RAMP1: variants seen among roughly 807,000 people sequenced by gnomAD.
The protein encoded by RAMP1 is receptor activity-modifying protein 1.
Under a neutral mutation model 8.2 loss-of-function variants are expected in RAMP1, and 7 were observed. The observed-to-expected ratio is 0.85, with a 90% CI of 0.49 to 1.60. The LOEUF (loss-of-function observed/expected upper bound fraction) is 1.60, where lower values mean the gene tolerates loss of function less well. RAMP1 is among the 40% of genes most tolerant of loss of function. The pLI, the probability that RAMP1 is intolerant of heterozygous loss-of-function variation, is 0.00. For missense variants in RAMP1, 192 were observed against 202.4 expected (o/e 0.95, Z 0.31); for synonymous variants, 92 against 84.7 (o/e 1.09, Z -0.47).
intron 2 of RAMP1, among the ~76,000 whole-genome samples, chr2:237,910,628 C>A (rs1271013631): frequency 6.6e-6 from 1 of 151,518 alleles, no homozygotes; most frequent in African/African-American, 2.4e-5. Flanking sequence ...GAATAACAGT[C>A]ACACAGAATA....
intron 2 of RAMP1, among the ~76,000 whole-genome samples, chr2:237,891,303 A>G (rs984630378): frequency 5.3e-5 from 8 of 152,038 alleles, no homozygotes; most frequent in Non-Finnish European, 1.5e-5. Context: ...GGCGCCCGCC[A>G]CCACGCCCGG....
At chr2:237,879,184 T>C (rs901439061) in intron 2 of RAMP1, among the ~76,000 whole-genome samples, 2 of 152,158 alleles carry the variant, frequency 1.3e-5, no homozygotes, top group Admixed American at 6.5e-5. Context: ...GAAGACACAA[T>C]GGGGGGCCCC....
At chr2:237,888,830 G>A (rs1015690247) in intron 2 of RAMP1, among the ~76,000 whole-genome samples, 5 of 151,978 alleles carry the variant, frequency 3.3e-5, no homozygotes, top group African/African-American at 4.8e-5. Context: ...GGAGTGCAGC[G>A]GCACAATCTT....
At chr2:237,888,062 G>A (rs534671609) in intron 2 of RAMP1, among the ~76,000 whole-genome samples, 1 of 151,460 alleles carries the variant, frequency 6.6e-6, no homozygotes, top group Non-Finnish European at 1.5e-5. Flanking sequence ...GTTCTGGGGG[G>A]TTTTTTTTTG....
Position 237,877,422 on chromosome 2 carries a change from A to G in RAMP1, c.191+60A>G. ...TTGGGGAGGGAGAGGGGGCAAGCGG[A>G]GGAGGAGTGGACCACGTGGGAGCTG... On this transcript the variant is annotated intron_variant, in intron 2 of 2. Coordinates refer to ENST00000254661, the MANE Select transcript of RAMP1 (RefSeq NM_005855.4). This position sits in a 1 kb window ranked among gnomAD's most constrained non-coding sequence, Gnocchi z 4.4. 6.4e-7 allele frequency: 1 copy of G among 1,570,522 alleles called. No individual in the cohort carries two copies. Among genetic ancestry groups the G allele is most frequent in the Non-Finnish European group, 8.6e-7 (1 of 1,158,638 alleles).
intron 2 of RAMP1, among the ~76,000 whole-genome samples, chr2:237,885,735 G>A (rs1218268175): frequency 6.6e-6 from 1 of 152,210 alleles, no homozygotes; most frequent in East Asian, 1.9e-4. Flanking sequence ...CTCTCTGTGT[G>A]TCTGCACCAG....
intron 1 of RAMP1, among the ~76,000 whole-genome samples, chr2:237,860,898 A>G (rs1455397317): frequency 6.8e-6 from 1 of 146,384 alleles, no homozygotes; most frequent in African/African-American, 2.8e-5. Context: ...AGATCTGCAT[A>G]GAATCCTCAG....
At chr2:237,885,709 C>T (rs1404459320) in intron 2 of RAMP1, among the ~76,000 whole-genome samples, 1 of 152,222 alleles carries the variant, frequency 6.6e-6, no homozygotes, top group Admixed American at 6.5e-5. Context: ...GCCACACCAT[C>T]GCTCCTGCCG....
chr2:237,871,788 G>A (rs1415192039), intron 1 of RAMP1, among the ~76,000 whole-genome samples: 4 of 152,148 alleles, frequency 2.6e-5, no homozygotes, highest in Non-Finnish European at 5.9e-5. Flanking sequence ...TTAAGCCCAG[G>A]AAGTCAAGGC....
At position 237,878,800 on chromosome 2, in the gene RAMP1, A is replaced by G. The variant is rs2062336087; in HGVS notation, c.191+1438A>G. Among the ~76,000 whole-genome samples the G allele has an allele frequency of 6.6e-6, 1 of 152,254 alleles. No homozygotes were observed. Among genetic ancestry groups the G allele is most frequent in the Admixed American group, 6.5e-5 (1 of 15,286 alleles). On this transcript the variant is annotated intron_variant, in intron 2 of 2. Transcript: ENST00000254661. The surrounding 1 kb of genome is among the most constrained non-coding windows in gnomAD (Gnocchi z 5.7). ...AAGCATGGGGTATATGCAGGTGTGC[A>G]TGCTGGGATTTAAAACAACAGAAAC...
chr2:237,901,178 T>C (rs1310943758), intron 2 of RAMP1, among the ~76,000 whole-genome samples: 1 of 152,228 alleles, frequency 6.6e-6, no homozygotes, highest in Non-Finnish European at 1.5e-5. Context: ...CTGCTCACCT[T>C]CTGTCTGCGT....
rs2062174178 is a variant in RAMP1, at chr2:237,865,180, C to T, written c.52+5453C>T. Among the ~76,000 whole-genome samples, 1 of 151,006 alleles carries T rather than the reference C, an allele frequency of 6.6e-6. No homozygotes were observed. Among genetic ancestry groups the T allele is most frequent in the Non-Finnish European group, 1.5e-5 (1 of 67,868 alleles). On this transcript the variant is annotated intron_variant, in intron 1 of 2. Transcript: ENST00000254661. The surrounding 1 kb of genome is among the most constrained non-coding windows in gnomAD (Gnocchi z 4.2). ...GGACTCCAGTCCCTGGGCCTGGATG[C>T]AGGAAGTGAGGCAGCGCTGAGGAAT...
chr2:237,902,452 C>T lies in RAMP1; in HGVS notation c.192-9076C>T, dbSNP rs539954681. ...AGGGAACAGGAGGACCAGGAGGACG[C>T]AGAGGTCTCCGCAGAGGGGGTGGGG... On this transcript the variant is annotated intron_variant, in intron 2 of 2. Transcript: ENST00000254661. 9.9e-5 allele frequency among the ~76,000 whole-genome samples: 15 copies of T among 150,908 alleles called. No homozygotes were observed. In the East Asian group the frequency reaches 2.7e-3, roughly 28 times the overall value.
At chr2:237,902,686 A>G (rs1293902663) in intron 2 of RAMP1, among the ~76,000 whole-genome samples, 1 of 152,160 alleles carries the variant, frequency 6.6e-6, no homozygotes, top group Non-Finnish European at 1.5e-5. Flanking sequence ...CGCTGTCACC[A>G]GAGGGTCCCA....
At chr2:237,905,079 A>G (rs1189708108) in intron 2 of RAMP1, among the ~76,000 whole-genome samples, 2 of 152,206 alleles carry the variant, frequency 1.3e-5, no homozygotes, top group African/African-American at 4.8e-5. Context: ...AGGATTCAGG[A>G]ACATTCCAAG....
Position 237,862,298 on chromosome 2 carries a change from A to C in RAMP1, c.52+2571A>C, listed in dbSNP as rs1242739150. Among the ~76,000 whole-genome samples the C allele has an allele frequency of 6.6e-6, 1 of 152,158 alleles. No homozygotes were observed. Among genetic ancestry groups the C allele is most frequent in the East Asian group, 1.9e-4 (1 of 5,196 alleles). ...CAAAGTCCAAATCTGAAGGATTCTT[A>C]TTTGTTAATCAACTCAGTGTGTTTG... On this transcript the variant is annotated intron_variant, in intron 1 of 2. Transcript: ENST00000254661. The surrounding 1 kb of genome is among the most constrained non-coding windows in gnomAD (Gnocchi z 4.0).
chr2:237,910,922 G>C (rs963913762), intron 2 of RAMP1, among the ~76,000 whole-genome samples: 1 of 149,106 alleles, frequency 6.7e-6, no homozygotes, highest in Admixed American at 6.6e-5. Flanking sequence ...CATCCACACA[G>C]AGTCACACAC....
intron 1 of RAMP1, among the ~76,000 whole-genome samples, chr2:237,870,684 T>G (rs913418026): frequency 6.6e-6 from 1 of 152,224 alleles, no homozygotes; most frequent in African/African-American, 2.4e-5. Flanking sequence ...AGAGTTTTAC[T>G]GAATGGCAGT....
At chr2:237,899,897 G>A (rs1363354051) in intron 2 of RAMP1, among the ~76,000 whole-genome samples, 8 of 152,100 alleles carry the variant, frequency 5.3e-5, no homozygotes, top group Non-Finnish European at 1.5e-5. Flanking sequence ...GAGCAACATA[G>A]TGAGAACCTG....
Sources: allele counts gnomAD v4.1 joint callset (sites outside exome capture counted in the v4.1 genomes callset), GRCh38; gene constraint gnomAD v4.1.1; non-coding constraint Gnocchi (gnomAD v3.1); transcripts MANE v1.5; gene names NCBI Gene and HGNC (gene_info 2026-07-23, HGNC 2026-07-21).